The following SH3BGR variants were observed in gnomAD, a reference collection of about 807,000 sequenced individuals.
SH3BGR encodes SH3 domain-binding glutamic acid-rich protein.
In SH3BGR, 29 loss-of-function variants were observed where a neutral mutation model predicts 24.5. The ratio of observed to expected loss-of-function variants is 1.18; its 90% CI spans 0.88 to 1.61. SH3BGR has a LOEUF of 1.61. Among genes scored for constraint, SH3BGR ranks in the 40% most tolerant of loss-of-function variants. SH3BGR has a pLI of 0.00. For synonymous variants in SH3BGR, 55 were observed against 65.7 expected (o/e 0.84, Z 0.79); for missense variants, 162 against 205.8 (o/e 0.79, Z 1.30).
intron 2 of SH3BGR, among the ~76,000 whole-genome samples, chr21:39,472,920 G>A (rs994917908): frequency 5.3e-5 from 8 of 152,092 alleles, no homozygotes; most frequent in African/African-American, 7.2e-5. Context: ...CAGCATGATC[G>A]GTGGCTTTGG....
At chr21:39,464,120 G>A (rs2077800729) in intron 2 of SH3BGR, among the ~76,000 whole-genome samples, 1 of 152,092 alleles carries the variant, frequency 6.6e-6, no homozygotes, top group Admixed American at 6.5e-5. Context: ...TGTTCACATG[G>A]CCTTCTCATA....
rs1352296857 is a variant in SH3BGR at position 39,511,834 on chromosome 21, A to G, written c.*34+25A>G. 3.7e-5 allele frequency: 59 copies of G among 1,584,734 alleles called. No homozygotes were observed. The highest frequency in any genetic ancestry group is 5.0e-5 in the Non-Finnish European group (58 of 1,169,170). ...GGTAGCTACAGGATTCTGGGGTGGAAAAGCTGCTAGTTACCGTACTGTATG... is the reference window on the plus strand; with the variant it reads ...GGTAGCTACAGGATTCTGGGGTGGAGAAGCTGCTAGTTACCGTACTGTATG... On this transcript the variant is annotated intron_variant, in intron 6 of 6. Coordinates refer to ENST00000333634, the MANE Select transcript of SH3BGR (RefSeq NM_007341.3). The surrounding 1 kb of genome is among the most constrained non-coding windows in gnomAD (Gnocchi z 4.2).
At chr21:39,474,756 A>C (rs1467532774) in intron 2 of SH3BGR, among the ~76,000 whole-genome samples, 1 of 152,174 alleles carries the variant, frequency 6.6e-6, no homozygotes, top group Non-Finnish European at 1.5e-5. Flanking sequence ...AGCCTGTATC[A>C]TCTCAGTCTC....
At chr21:39,497,293 A>T (rs1206635946) in intron 3 of SH3BGR, among the ~76,000 whole-genome samples, 6 of 151,482 alleles carry the variant, frequency 4.0e-5, no homozygotes, top group Non-Finnish European at 7.4e-5. Flanking sequence ...GATGATTTAT[A>T]TATAATATAG....
intron 2 of SH3BGR, among the ~76,000 whole-genome samples, chr21:39,471,015 A>G (rs942705935): frequency 2.6e-5 from 4 of 152,162 alleles, no homozygotes; most frequent in Admixed American, 2.6e-4. Context: ...CTAAGTTGCT[A>G]TTGAGAAGTC....
chr21:39,509,227 C>T (rs557683418), intron 5 of SH3BGR, among the ~76,000 whole-genome samples, 200 bp downstream of exon 5: 1 of 152,146 alleles, frequency 6.6e-6, no homozygotes, highest in East Asian at 1.9e-4. Flanking sequence ...GAGAGAGAAA[C>T]GGGGCTTGGC....
chr21:39,485,065 C>G (rs929998920), intron 3 of SH3BGR, among the ~76,000 whole-genome samples: 1 of 152,152 alleles, frequency 6.6e-6, no homozygotes, highest in African/African-American at 2.4e-5. Flanking sequence ...TGTTCTAGGC[C>G]AAGGACCAGA....
Position 39,462,579 on chromosome 21 carries a change from T to TA in SH3BGR, c.231+24dup. The TA allele has an allele frequency of 6.7e-7, 1 of 1,500,908 alleles. No homozygotes were observed. The highest frequency in any genetic ancestry group is 8.9e-7 in the Non-Finnish European group (1 of 1,127,394). The allele number at this position is 1,500,908 out of a possible 1,614,324, so 93.0% of individuals were successfully genotyped here. ...CTGTGGGGTGAGTATGTGCTTCTAT[T>TA]AAAAATCCTGCTGTGTGTGTGTTTA... On this transcript the variant is annotated intron_variant, in intron 2 of 6. Coordinates refer to ENST00000333634, the MANE Select transcript of SH3BGR (RefSeq NM_007341.3).
chr21:39,511,618 T>C lies in SH3BGR; in HGVS notation c.436-62T>C. On this transcript the variant is annotated intron_variant, in intron 5 of 6. Coordinates refer to ENST00000333634, the MANE Select transcript of SH3BGR (RefSeq NM_007341.3). This position sits in a 1 kb window ranked among gnomAD's most constrained non-coding sequence, Gnocchi z 4.2. ...CTCTAGTCCAGCATTTTACAGTCTTTTTCTCACTGTATCCTTGGCCCTTAT... is the reference window on the plus strand; with the variant it reads ...CTCTAGTCCAGCATTTTACAGTCTTCTTCTCACTGTATCCTTGGCCCTTAT... 6.4e-7 allele frequency: 1 copy of C among 1,556,876 alleles called. No homozygotes were observed. Among genetic ancestry groups the C allele is most frequent in the East Asian group, 2.3e-5 (1 of 44,286 alleles).
chr21:39,507,274 A>G (rs74804319), intron 4 of SH3BGR, among the ~76,000 whole-genome samples: 13,056 of 152,212 alleles, frequency 0.086, 817 homozygotes, highest in African/African-American at 0.17. Context: ...AAAAACATGA[A>G]GTTGGGCCAG....
chr21:39,484,513 A>G (rs1479114976), intron 3 of SH3BGR, among the ~76,000 whole-genome samples: 1 of 152,144 alleles, frequency 6.6e-6, no homozygotes, highest in Non-Finnish European at 1.5e-5. Flanking sequence ...ATCTTATCTC[A>G]TTTTTATTTT....
intron 3 of SH3BGR, among the ~76,000 whole-genome samples, chr21:39,476,309 G>T (rs928035811): frequency 1.1e-4 from 16 of 152,182 alleles, no homozygotes; most frequent in African/African-American, 3.4e-4. Flanking sequence ...ATTGAGTCAG[G>T]TGAGGCCATA....
At chr21:39,491,852 C>T (rs975914220) in intron 3 of SH3BGR, 1 of 167,460 alleles carries the variant, frequency 6.0e-6, no homozygotes, top group Non-Finnish European at 1.3e-5. Context: ...CTACACGTGG[C>T]CATGGCCCTT....
intron 3 of SH3BGR, among the ~76,000 whole-genome samples, chr21:39,496,489 A>G (rs1001678393): frequency 1.4e-5 from 2 of 145,150 alleles, no homozygotes; most frequent in African/African-American, 5.1e-5. Context: ...CCTGGGCGAC[A>G]GAGCGAGACT....
intron 4 of SH3BGR, among the ~76,000 whole-genome samples, chr21:39,505,850 T>C (rs1394535525): frequency 6.6e-6 from 1 of 152,228 alleles, no homozygotes; most frequent in East Asian, 1.9e-4. Flanking sequence ...GACTTCCTAC[T>C]GCCCCCCAGG....
At chr21:39,462,349 C>T in intron 1 of SH3BGR, 26 bp from the exon 2 acceptor site, 2 of 1,548,434 alleles carry the variant, frequency 1.3e-6, no homozygotes, top group South Asian at 1.2e-5. Flanking sequence ...TCATAAACAG[C>T]CTAATATTTC....
intron 2 of SH3BGR, among the ~76,000 whole-genome samples, chr21:39,473,891 A>AAC: frequency 6.6e-6 from 1 of 151,604 alleles, no homozygotes; most frequent in East Asian, 1.9e-4. Flanking sequence ...TCTCAAAAAA[A>AAC]AAAACAAAAA....
chr21:39,500,252 GA>G (rs1602160225), intron 4 of SH3BGR, among the ~76,000 whole-genome samples: 1 of 152,042 alleles, frequency 6.6e-6, no homozygotes, highest in East Asian at 1.9e-4. Context: ...ATTAATGACA[GA>G]CTCCTAGCTT....
upstream of SH3BGR, among the ~76,000 whole-genome samples, chr21:39,451,498 A>G (rs1317364405): frequency 2.0e-5 from 3 of 152,196 alleles, no homozygotes; most frequent in Non-Finnish European, 4.4e-5. Flanking sequence ...ATGACAGTTT[A>G]CTTAAAAAAT....
Sources: gnomAD v4.1 joint callset for allele counts (sites outside exome capture counted in the v4.1 genomes callset) on GRCh38, gnomAD v4.1.1 for gene constraint, Gnocchi (gnomAD v3.1) non-coding constraint, MANE v1.5 for transcripts, NCBI Gene and HGNC (gene_info 2026-07-23, HGNC 2026-07-21) for gene names.